The following SGSH variants were observed in gnomAD, a reference collection of about 807,000 sequenced individuals.
The protein encoded by SGSH is heparan sulfate sulfatase.
A neutral mutation model predicts 51.0 loss-of-function variants in SGSH; 48 were observed. That is an observed-to-expected ratio of 0.94 (90% CI 0.75 to 1.20). SGSH has a LOEUF of 1.20. Among genes scored for constraint, SGSH ranks in the 50% most tolerant of loss-of-function variants. The pLI, the probability that SGSH is intolerant of heterozygous loss-of-function variation, is 0.00. For missense variants in SGSH, 662 were observed against 717.8 expected (o/e 0.92, Z 0.89); for synonymous variants, 321 against 313.4 (o/e 1.02, Z -0.26).
At chr17:80,205,143 C>T (rs368705564), downstream of SGSH, 33 of 1,613,640 alleles carry the variant, frequency 2.0e-5, no homozygotes, top group African/African-American at 9.3e-5. Flanking sequence ...GTGCCCAGGG[C>T]GGTTGGGAAG....
Position 80,211,979 on chromosome 17 carries a change from A to T in SGSH, c.949+92T>A, listed in dbSNP as rs9913131. The T allele has an allele frequency of 7.8e-3, 7,782 of 994,626 alleles. 137 individuals carry two copies. The highest frequency in any genetic ancestry group is 0.043 in the African/African-American group (2,698 of 62,672). The allele number at this position is 994,626 out of a possible 1,614,324, so 61.6% of individuals were successfully genotyped here. A position where few individuals can be genotyped will look rare whatever the true frequency, so the allele number is the denominator to read the frequency against. The stretch of plus-strand genomic sequence containing the variant: ...ACCCAGATGATATGAGAGCCACATT[A>T]GGTAATGGGTGTGGAGCAGCATCTG... On this transcript the variant is annotated intron_variant, in intron 7 of 7. Coordinates refer to ENST00000326317, the MANE Select transcript of SGSH (RefSeq NM_000199.5).
chr17:80,204,982 C>G, downstream of SGSH: 1 of 1,455,500 alleles, frequency 6.9e-7, no homozygotes, highest in Non-Finnish European at 9.2e-7. Flanking sequence ...GCAGGGTAGG[C>G]TGGCTGGGGG....
the SGSH span, chr17:80,201,666 T>TGCCCTCAGC: frequency 6.5e-7 from 1 of 1,531,064 alleles, no homozygotes; most frequent in Non-Finnish European, 9.0e-7. The surrounding 1 kb of genome is among the most constrained non-coding windows in gnomAD (Gnocchi z 5.0). Flanking sequence ...CTCGCCTCAG[T>TGCCCTCAGC]GCCCTCAGCG....
In SGSH at chr17:80,209,917, C is replaced by T; in HGVS notation, c.*535G>A. ...CTGCCCAAAGGTCGCTCAAAGGCTT[C>T]CTCTAGGCCAGACGCTGGTAAGAGC... On this transcript the variant is annotated 3_prime_UTR_variant, in exon 8 of 8. Coordinates refer to ENST00000326317, the MANE Select transcript of SGSH (RefSeq NM_000199.5). The T allele has an allele frequency of 5.0e-6, 5 of 996,132 alleles. No homozygotes were observed. The highest frequency in any genetic ancestry group is 3.6e-6 in the Non-Finnish European group (3 of 835,278). The allele number at this position is 996,132 out of a possible 1,614,324, so 61.7% of individuals were successfully genotyped here.
At chr17:80,204,375 GC>G (rs943502793), downstream of SGSH, 2 of 1,510,324 alleles carry the variant, frequency 1.3e-6, no homozygotes, top group Non-Finnish European at 1.8e-6. Flanking sequence ...GGGGCCACTG[GC>G]TCCAAGTGGG....
Position 80,210,403 on chromosome 17 carries a change from G to A in SGSH, c.*49C>T. On this transcript the variant is annotated 3_prime_UTR_variant, in exon 8 of 8. Coordinates refer to ENST00000326317, the MANE Select transcript of SGSH (RefSeq NM_000199.5). The stretch of plus-strand genomic sequence containing the variant: ...TGGCCGGCCACACGGACACGTGTGG[G>A]ATGTGTCTGGGACATGCCTGGGATG... 2 of 1,534,306 alleles carry A rather than the reference G, an allele frequency of 1.3e-6. No homozygotes were observed. The highest frequency in any genetic ancestry group is 8.7e-7 in the Non-Finnish European group (1 of 1,143,618).
rs2041707823 is a variant in SGSH, at chr17:80,212,440, T to C, written c.746-166A>G. 1 of 690,988 alleles carries C rather than the reference T, an allele frequency of 1.4e-6. No homozygotes were observed. The highest frequency in any genetic ancestry group is 2.6e-6 in the Non-Finnish European group (1 of 385,686). 42.8% of individuals were successfully genotyped at this position (690,988 alleles called of 1,614,324 possible). On this transcript the variant is annotated intron_variant, in intron 6 of 7. Coordinates refer to ENST00000326317, the MANE Select transcript of SGSH (RefSeq NM_000199.5). The surrounding 1 kb of genome is among the most constrained non-coding windows in gnomAD (Gnocchi z 5.9). ...CCAATGGCCCTGGCTCTTGCCCAGC[T>C]CTTGCCCAGCTCCGCCCAGCTCCCA...
downstream of SGSH, chr17:80,204,773 C>T: frequency 4.2e-6 from 2 of 473,008 alleles, no homozygotes; most frequent in South Asian, 8.6e-5. Flanking sequence ...TCCCTTGGGC[C>T]TATAGGAAAC....
At chr17:80,206,385 G>C (rs944046398), downstream of SGSH, among the ~76,000 whole-genome samples, 3 of 152,258 alleles carry the variant, frequency 2.0e-5, no homozygotes, top group Admixed American at 1.3e-4. Context: ...AGGCCTAGGC[G>C]GGAAGATTGC....
At chr17:80,203,934 G>C, downstream of SGSH, 7 of 1,461,758 alleles carry the variant, frequency 4.8e-6, no homozygotes, top group Non-Finnish European at 6.6e-6. The surrounding 1 kb of genome is among the most constrained non-coding windows in gnomAD (Gnocchi z 4.6). Flanking sequence ...GGCTGGAAGA[G>C]GGGCTCGGTG....
chr17:80,213,888 G>A lies in SGSH; in HGVS notation c.664-3C>T. 6.2e-7 allele frequency: 1 copy of A among 1,604,674 alleles called. No individual in the cohort carries two copies. The highest frequency in any genetic ancestry group is 1.1e-5 in the South Asian group (1 of 89,940). On this transcript the variant is annotated splice_polypyrimidine_tract_variant and splice_region_variant and intron_variant, in intron 5 of 7. Coordinates refer to ENST00000326317, the MANE Select transcript of SGSH (RefSeq NM_000199.5). This position sits in a 1 kb window ranked among gnomAD's most constrained non-coding sequence, Gnocchi z 4.6. Reference sequence around the variant, plus strand: ...GTGTTGGGGACGAAGTAAGGCACCTGGGGCAGGCGGTGGGGAGCCAGGCTT... The same window carrying A: ...GTGTTGGGGACGAAGTAAGGCACCTAGGGCAGGCGGTGGGGAGCCAGGCTT...
Position 80,212,032 on chromosome 17 carries a change from C to A in SGSH, c.949+39G>T. The A allele has an allele frequency of 6.4e-7, 1 of 1,573,048 alleles. No homozygotes were observed. The highest frequency in any genetic ancestry group is 8.7e-7 in the Non-Finnish European group (1 of 1,143,828). On this transcript the variant is annotated intron_variant, in intron 7 of 7. Coordinates refer to ENST00000326317, the MANE Select transcript of SGSH (RefSeq NM_000199.5). The surrounding 1 kb of genome is among the most constrained non-coding windows in gnomAD (Gnocchi z 5.9). ...AGGTCATGGCCCCGTCCCAGATCCACTCCCACACCTTTCCTGACGGAGACA... is the reference window on the plus strand; with the variant it reads ...AGGTCATGGCCCCGTCCCAGATCCAATCCCACACCTTTCCTGACGGAGACA...
chr17:80,219,918 G>A (rs1031392777), intron 1 of SGSH: 4 of 323,640 alleles, frequency 1.2e-5, no homozygotes, highest in Non-Finnish European at 2.3e-5. Context: ...CTCCCAAGAG[G>A]GATTTGAGAT....
downstream of SGSH, chr17:80,205,537 T>C: frequency 6.3e-7 from 1 of 1,586,180 alleles, no homozygotes; most frequent in Non-Finnish European, 8.6e-7. Context: ...GTAGAGTACT[T>C]GAGCCAGGAG....
At chr17:80,202,465 A>G (rs1464642729), downstream of SGSH, 6 of 1,591,164 alleles carry the variant, frequency 3.8e-6, no homozygotes, top group Non-Finnish European at 4.3e-6. Flanking sequence ...AGAGGCCCAC[A>G]GGGAAATGGC....
intron 2 of SGSH, among the ~76,000 whole-genome samples, chr17:80,215,559 G>A (rs1015522179): frequency 6.6e-6 from 1 of 152,244 alleles, no homozygotes; most frequent in Non-Finnish European, 1.5e-5. Flanking sequence ...GGTGGCTCAC[G>A]CCTGTAATCC....
chr17:80,205,075 G>A, downstream of SGSH: 1 of 1,611,508 alleles, frequency 6.2e-7, no homozygotes, highest in Non-Finnish European at 8.5e-7. Context: ...GCCTCACCCT[G>A]GTGCCCTATA....
chr17:80,213,895 G>A lies in SGSH; in HGVS notation c.664-10C>T, dbSNP rs776319554. The stretch of plus-strand genomic sequence containing the variant: ...GGACGAAGTAAGGCACCTGGGGCAG[G>A]CGGTGGGGAGCCAGGCTTAGAACAG... On this transcript the variant is annotated splice_polypyrimidine_tract_variant and intron_variant, in intron 5 of 7. Transcript: ENST00000326317. The surrounding 1 kb of genome is among the most constrained non-coding windows in gnomAD (Gnocchi z 4.6). The A allele has an allele frequency of 6.2e-7, 1 of 1,600,846 alleles. No individual in the cohort carries two copies. Among genetic ancestry groups the A allele is most frequent in the African/African-American group, 1.3e-5 (1 of 74,752 alleles).
At chr17:80,211,101 C>T in intron 7 of SGSH, 90 bp from the exon 8 acceptor site, 1 of 1,554,428 alleles carries the variant, frequency 6.4e-7, no homozygotes, top group Non-Finnish European at 8.6e-7. Flanking sequence ...CTCTGGGCGG[C>T]TCCCTTCTCC....
Sources: gnomAD v4.1 joint callset for allele counts (sites outside exome capture counted in the v4.1 genomes callset) on GRCh38, gnomAD v4.1.1 for gene constraint, Gnocchi (gnomAD v3.1) non-coding constraint, MANE v1.5 for transcripts, NCBI Gene and HGNC (gene_info 2026-07-23, HGNC 2026-07-21) for gene names.